Variants in MYO3B observed in about 807,000 individuals in gnomAD.
The protein encoded by MYO3B is myosin-IIIb.
A neutral mutation model predicts 174.6 loss-of-function variants in MYO3B; 156 were observed. The observed-to-expected ratio is 0.89, with a 90% CI of 0.78 to 1.02. The LOEUF (loss-of-function observed/expected upper bound fraction) is 1.02, where lower values mean the gene tolerates loss of function less well. Among genes scored for constraint, MYO3B ranks in the 50% least tolerant of loss-of-function variants. The pLI, the probability that MYO3B is intolerant of heterozygous loss-of-function variation, is 0.00. For missense variants in MYO3B, 1,632 were observed against 1,639.4 expected (o/e 1.00, Z 0.08); for synonymous variants, 563 against 569.1 (o/e 0.99, Z 0.15).
intron 7 of MYO3B, among the ~76,000 whole-genome samples, chr2:170,302,498 T>G (rs1444197752): frequency 6.6e-6 from 1 of 152,346 alleles, no homozygotes; most frequent in African/African-American, 2.4e-5. Context: ...CATGAGATTT[T>G]GAAGGAACTA....
At chr2:170,515,737 T>A (rs1257436776) in intron 29 of MYO3B, among the ~76,000 whole-genome samples, 2 of 152,052 alleles carry the variant, frequency 1.3e-5, no homozygotes, top group African/African-American at 4.8e-5. Context: ...GAATTTACAG[T>A]TACAGTTTAT....
chr2:170,575,220 C>A (rs1022662982), intron 32 of MYO3B, among the ~76,000 whole-genome samples: 8 of 152,074 alleles, frequency 5.3e-5, no homozygotes, highest in African/African-American at 1.9e-4. Context: ...TACAGTTTAC[C>A]AGCAAGTGTT....
chr2:170,227,303 G>T (rs1288450831), intron 6 of MYO3B, among the ~76,000 whole-genome samples: 1 of 152,090 alleles, frequency 6.6e-6, no homozygotes, highest in Non-Finnish European at 1.5e-5. Flanking sequence ...GAAGTGGGGG[G>T]GTACAGGGTC....
intron 32 of MYO3B, among the ~76,000 whole-genome samples, chr2:170,578,822 G>A (rs943058565): frequency 6.6e-5 from 10 of 152,228 alleles, no homozygotes; most frequent in East Asian, 1.9e-4. Flanking sequence ...GTGGCATTAC[G>A]CAGAGGGCCT....
chr2:170,285,480 C>A (rs1340673976), intron 7 of MYO3B, among the ~76,000 whole-genome samples: 1 of 151,962 alleles, frequency 6.6e-6, no homozygotes, highest in Non-Finnish European at 1.5e-5. Context: ...CCTGCCTCAG[C>A]TTCCCAAGTA....
chr2:170,467,478 T>C (rs925105754), intron 25 of MYO3B, among the ~76,000 whole-genome samples: 1 of 152,050 alleles, frequency 6.6e-6, no homozygotes, highest in African/African-American at 2.4e-5. Context: ...AGATTATGTA[T>C]GAATGTGATT....
At chr2:170,194,088 CAT>C (rs10571666) in intron 1 of MYO3B, among the ~76,000 whole-genome samples, 5,048 of 152,224 alleles carry the variant, frequency 0.033, 267 homozygotes, top group African/African-American at 0.11. Context: ...ATTTTGGAAT[CAT>C]GTGACTTTTT....
Position 170,400,309 on chromosome 2 carries a change from A to C in MYO3B, c.1913A>C (p.Gln638Pro), listed in dbSNP as rs55911627. 5.0e-6 allele frequency: 8 copies of C among 1,614,010 alleles called. No homozygotes were observed. The East Asian group carries it at 1.8e-4, about 36-fold the overall frequency. Residue 638 changes from glutamine to proline, a missense_variant, in exon 17 of 35, where the codon CAA (glutamine) becomes CCA (proline). Gln to Pro is a moderately conservative substitution (Grantham distance 76, BLOSUM62 -1). Coordinates refer to ENST00000408978, the MANE Select transcript of MYO3B (RefSeq NM_138995.5). ...KSEVPNAEALQNAASVLCISP... is the reference protein window; with the variant it reads ...KSEVPNAEALPNAASVLCISP... ...GAGGTGCCCAATGCTGAAGCTTTGC[A>C]AAATGGTAATTATTTGATATTTGTG...
chr2:170,182,783 C>T (rs957947357), intron 1 of MYO3B, among the ~76,000 whole-genome samples: 2 of 151,588 alleles, frequency 1.3e-5, no homozygotes, highest in African/African-American at 4.8e-5. Context: ...GCTAAGTTTT[C>T]TGTTTTTAGT....
intron 7 of MYO3B, among the ~76,000 whole-genome samples, chr2:170,320,092 C>T (rs763553948): frequency 2.9e-4 from 44 of 152,288 alleles, no homozygotes; most frequent in Admixed American, 4.6e-4. Flanking sequence ...GCACAGGAAA[C>T]GGCATAGATG....
chr2:170,540,771 G>A (rs1575137879), intron 30 of MYO3B, among the ~76,000 whole-genome samples: 1 of 152,262 alleles, frequency 6.6e-6, no homozygotes, highest in East Asian at 1.9e-4. Flanking sequence ...TTAAAAGCAA[G>A]GTGTGTTCTA....
chr2:170,649,103 A>ATATATAAAATAATATATAATGTATATTG (rs1698688010), intron 32 of MYO3B, among the ~76,000 whole-genome samples: 1 of 73,984 alleles, frequency 1.4e-5, no homozygotes, highest in South Asian at 4.1e-4. Flanking sequence ...AATGTATATT[A>ATATATAAAATAATATATAATGTATATTG]TATATAAAAT....
chr2:170,385,394 G>T (rs952804063), intron 12 of MYO3B, among the ~76,000 whole-genome samples: 2 of 152,100 alleles, frequency 1.3e-5, no homozygotes, highest in African/African-American at 4.8e-5. Flanking sequence ...ACTGAGGTAT[G>T]GTTGAAAGGG....
chr2:170,456,393 G>A (rs767224804), intron 23 of MYO3B, among the ~76,000 whole-genome samples: 8 of 152,154 alleles, frequency 5.3e-5, no homozygotes, highest in Non-Finnish European at 1.2e-4. Flanking sequence ...TAGGCTTTAG[G>A]CAGATAAATG....
At chr2:170,401,802 C>CTTTTCTT in intron 18 of MYO3B, 111 bp downstream of exon 18, 4 of 698,078 alleles carry the variant, frequency 5.7e-6, no homozygotes, top group Non-Finnish European at 8.9e-6. Flanking sequence ...CTTTCTTTTT[C>CTTTTCTT]TTTTTTTTTT....
intron 32 of MYO3B, among the ~76,000 whole-genome samples, chr2:170,589,220 G>T (rs568532020): frequency 6.6e-6 from 1 of 152,158 alleles, no homozygotes; most frequent in Non-Finnish European, 1.5e-5. Flanking sequence ...ACACTGAAAG[G>T]TTTTCGATAA....
chr2:170,345,196 T>C (rs1265288047), intron 8 of MYO3B: 1 of 152,332 alleles, frequency 6.6e-6, no homozygotes, highest in South Asian at 2.1e-4. Flanking sequence ...TACTACATTC[T>C]TTCAGCCCAG....
In MYO3B at chr2:170,491,413, A is replaced by G. The variant is rs370074568; in HGVS notation, c.3015-7179A>G. ...TAGAACATACTTGTGTGACTTGAGT[A>G]TTTTTTAATTAATTAATTAACTTTT... is the stretch of plus-strand genomic sequence containing the variant. On this transcript the variant is annotated intron_variant, in intron 25 of 34. Coordinates refer to ENST00000408978, the MANE Select transcript of MYO3B (RefSeq NM_138995.5). Among the ~76,000 whole-genome samples, 131 of 151,562 alleles carry G rather than the reference A, an allele frequency of 8.6e-4. 2 individuals are homozygous for G. In the South Asian group the frequency reaches 0.024, roughly 28 times the overall value.
At chr2:170,318,801 C>T (rs1175844279) in intron 7 of MYO3B, among the ~76,000 whole-genome samples, 1 of 148,872 alleles carries the variant, frequency 6.7e-6, no homozygotes, top group African/African-American at 2.4e-5. Flanking sequence ...AGGTCCAGAC[C>T]TTCTGGAGAT....
Sources: allele counts gnomAD v4.1 joint callset (sites outside exome capture counted in the v4.1 genomes callset), GRCh38; gene constraint gnomAD v4.1.1; transcripts MANE v1.5; gene names NCBI Gene and HGNC (gene_info 2026-07-23, HGNC 2026-07-21).